Variants in SCHIP1 observed in about 807,000 individuals in gnomAD.
SCHIP1 encodes the protein schwannomin interacting protein 1.
In SCHIP1, 8 loss-of-function variants were observed where a neutral mutation model predicts 29.7. The ratio of observed to expected loss-of-function variants is 0.27; its 90% CI spans 0.16 to 0.49. The LOEUF (loss-of-function observed/expected upper bound fraction) is 0.49. SCHIP1 is among the 20% of genes least tolerant of loss of function. SCHIP1 has a pLI of 0.99. For missense variants in SCHIP1, 193 were observed against 294.6 expected, an observed-to-expected ratio of 0.66 and a Z score of 2.52; for synonymous variants, 76 against 94.9, an observed-to-expected ratio of 0.80 and a Z score of 1.16.
At chr3:159,716,242 T>C in the SCHIP1 span, among the ~76,000 whole-genome samples, 7 of 152,188 alleles carry the variant, frequency 4.6e-5, no homozygotes, top group African/African-American at 1.7e-4. Flanking sequence ...CAAGAGCTCC[T>C]GAAGGAAGCA....
the SCHIP1 span, among the ~76,000 whole-genome samples, chr3:159,422,261 C>T: frequency 1.3e-5 from 2 of 152,286 alleles, no homozygotes; most frequent in Admixed American, 1.3e-4. Context: ...ATGTTACCCA[C>T]TTATCCACTA....
At chr3:159,507,126 A>T in the SCHIP1 span, among the ~76,000 whole-genome samples, 3 of 152,068 alleles carry the variant, frequency 2.0e-5, no homozygotes, top group Non-Finnish European at 4.4e-5. Flanking sequence ...ATTTGTTTGT[A>T]TCCTCTTTTA....
chr3:159,601,183 T>C, the SCHIP1 span, among the ~76,000 whole-genome samples: 1 of 152,124 alleles, frequency 6.6e-6, no homozygotes, highest in African/African-American at 2.4e-5. Context: ...TGCCCAGCAG[T>C]GGGCCCACTT....
the SCHIP1 span, among the ~76,000 whole-genome samples, chr3:159,699,425 G>T: frequency 1.3e-5 from 2 of 152,200 alleles, no homozygotes; most frequent in Non-Finnish European, 2.9e-5. Flanking sequence ...TCTCTCCGAG[G>T]GTTGGAGTGA....
At chr3:159,833,562 C>T in the SCHIP1 span, among the ~76,000 whole-genome samples, 1 of 152,166 alleles carries the variant, frequency 6.6e-6, no homozygotes, top group African/African-American at 2.4e-5. Flanking sequence ...ACAGTTGACC[C>T]AGGAGACAGG....
chr3:159,848,043 G>A (rs1712077538), intron 1 of SCHIP1, among the ~76,000 whole-genome samples: 2 of 152,332 alleles, frequency 1.3e-5, no homozygotes, highest in Admixed American at 1.3e-4. Flanking sequence ...CAGTGCATAA[G>A]TGATCTCCCA....
At chr3:159,699,130 T>C in the SCHIP1 span, among the ~76,000 whole-genome samples, 2 of 152,252 alleles carry the variant, frequency 1.3e-5, no homozygotes, top group East Asian at 3.8e-4. Flanking sequence ...TCTAGGAACA[T>C]AGCATGAGTA....
At chr3:159,658,558 T>C in the SCHIP1 span, among the ~76,000 whole-genome samples, 2 of 152,294 alleles carry the variant, frequency 1.3e-5, no homozygotes, top group South Asian at 2.1e-4. Context: ...TCTACAATCC[T>C]GTAGGTTGGA....
the SCHIP1 span, among the ~76,000 whole-genome samples, chr3:159,367,779 A>G: frequency 1.4e-4 from 21 of 152,158 alleles, no homozygotes; most frequent in Non-Finnish European, 2.2e-4. Flanking sequence ...GAGGTAAGAC[A>G]TTACTAGATA....
the SCHIP1 span, among the ~76,000 whole-genome samples, chr3:159,734,790 T>TTTC: frequency 7.6e-6 from 1 of 131,272 alleles, no homozygotes; most frequent in East Asian, 2.1e-4. Context: ...TTCTTGTCTT[T>TTTC]TTTTTTTTTT....
chr3:159,617,606 A>C, the SCHIP1 span, among the ~76,000 whole-genome samples: 3 of 152,166 alleles, frequency 2.0e-5, no homozygotes, highest in Non-Finnish European at 4.4e-5. Context: ...CTTTGTTCAC[A>C]GTCAAGTTCC....
At chr3:159,467,553 G>A in the SCHIP1 span, among the ~76,000 whole-genome samples, 36 of 151,130 alleles carry the variant, frequency 2.4e-4, 1 homozygote, top group South Asian at 2.9e-3. Context: ...AAATAAAACA[G>A]CCAGTCTTTT....
the SCHIP1 span, among the ~76,000 whole-genome samples, chr3:159,580,633 C>T: frequency 6.6e-6 from 1 of 152,078 alleles, no homozygotes; most frequent in Admixed American, 6.6e-5. Context: ...AAAAAGATGC[C>T]TGCTTTCATG....
At chr3:159,578,573 ATTAG>A in the SCHIP1 span, among the ~76,000 whole-genome samples, 1 of 152,178 alleles carries the variant, frequency 6.6e-6, no homozygotes, top group Admixed American at 6.5e-5. Flanking sequence ...CAGTCTTACA[ATTAG>A]TTCTAGAGAT....
chr3:159,320,924 C>T, the SCHIP1 span, among the ~76,000 whole-genome samples: 29 of 151,410 alleles, frequency 1.9e-4, no homozygotes, highest in African/African-American at 6.8e-4. Context: ...ATTTAAAGTA[C>T]CTGGCATGGA....
the SCHIP1 span, among the ~76,000 whole-genome samples, chr3:159,364,848 C>T: frequency 6.6e-6 from 1 of 152,168 alleles, no homozygotes; most frequent in Non-Finnish European, 1.5e-5. Flanking sequence ...TTGAGGTAGT[C>T]CTTATCAAAT....
the SCHIP1 span, among the ~76,000 whole-genome samples, chr3:159,766,723 G>A: frequency 3.3e-5 from 5 of 152,310 alleles, no homozygotes; most frequent in South Asian, 6.2e-4. Flanking sequence ...TGTATGTGCT[G>A]TGTGCCAGGG....
At chr3:159,386,418 A>G in the SCHIP1 span, among the ~76,000 whole-genome samples, 1 of 152,202 alleles carries the variant, frequency 6.6e-6, no homozygotes, top group East Asian at 1.9e-4. Flanking sequence ...ACGCTCGTGG[A>G]TACACGCTCA....
At chr3:159,382,340 G>A in the SCHIP1 span, among the ~76,000 whole-genome samples, 2 of 149,104 alleles carry the variant, frequency 1.3e-5, no homozygotes, top group South Asian at 4.3e-4. Flanking sequence ...TCCCACCTAT[G>A]AGTGAGAATA....
Sources: allele counts gnomAD v4.1 joint callset (sites outside exome capture counted in the v4.1 genomes callset), GRCh38; gene constraint gnomAD v4.1.1; transcripts MANE v1.5; gene names NCBI Gene and HGNC (gene_info 2026-07-23, HGNC 2026-07-21).